PPP6R3: variants seen among roughly 807,000 people sequenced by gnomAD.
The protein encoded by PPP6R3 is serine/threonine-protein phosphatase 6 regulatory subunit 3.
A neutral mutation model predicts 110.7 loss-of-function variants in PPP6R3; 38 were observed. The ratio of observed to expected loss-of-function variants is 0.34; its 90% confidence interval spans 0.26 to 0.45. The LOEUF is 0.45. Among genes scored for constraint, PPP6R3 ranks in the 20% least tolerant of loss-of-function variants. The pLI, the probability that PPP6R3 is intolerant of heterozygous loss-of-function variation, is 1.00. For synonymous variants in PPP6R3, 369 were observed against 373.5 expected, an observed-to-expected ratio of 0.99 and a Z score of 0.14; for missense variants, 870 against 1,062.4, an observed-to-expected ratio of 0.82 and a Z score of 2.52.
rs1169121139 is a variant in PPP6R3, at chr11:68,465,871, T to A, written c.-158+5044T>A. Among the ~76,000 whole-genome samples, 176 of 152,240 alleles carry A rather than the reference T, an allele frequency of 1.2e-3. 6 individuals carry two copies. Among genetic ancestry groups the A allele is most frequent in the Admixed American group, 0.011 (174 of 15,276 alleles). On this transcript the variant is annotated intron_variant, in intron 1 of 23. Transcript: ENST00000393800. ...AAGTTTTGCAAAAGAATAAGATAGT[T>A]ACACTTTGTTACTCATTTATAAGAA...
intron 10 of PPP6R3, 125 bp from the exon 11 acceptor site, chr11:68,569,623 A>C: frequency 1.2e-6 from 1 of 831,290 alleles, no homozygotes; most frequent in Non-Finnish European, 1.8e-6. Context: ...GGTTCCTTTT[A>C]ATTGGTCCTT....
intron 16 of PPP6R3, among the ~76,000 whole-genome samples, chr11:68,589,972 C>T (rs879649807): frequency 1.6e-4 from 24 of 152,218 alleles, no homozygotes; most frequent in Admixed American, 1.0e-3. Flanking sequence ...GATCCACCAC[C>T]TCACACCAGA....
intron 1 of PPP6R3, among the ~76,000 whole-genome samples, chr11:68,474,635 A>G (rs538742268): frequency 1.1e-4 from 17 of 152,196 alleles, no homozygotes; most frequent in Non-Finnish European, 2.2e-4. Context: ...GTAAAAGGGA[A>G]TTATCTGTTC....
intron 1 of PPP6R3, among the ~76,000 whole-genome samples, chr11:68,486,787 A>G (rs533671531): frequency 6.6e-6 from 1 of 151,836 alleles, no homozygotes; most frequent in Non-Finnish European, 1.5e-5. Flanking sequence ...GGCCCTTAAG[A>G]TTATCTCTTT....
At chr11:68,514,421 A>C (rs1349746529) in intron 1 of PPP6R3, among the ~76,000 whole-genome samples, 1 of 151,740 alleles carries the variant, frequency 6.6e-6, no homozygotes, top group African/African-American at 2.4e-5. Flanking sequence ...TTATGAATGT[A>C]GTTTGTCTGC....
chr11:68,530,728 A>G (rs2099234102), intron 2 of PPP6R3, among the ~76,000 whole-genome samples: 1 of 152,194 alleles, frequency 6.6e-6, no homozygotes, highest in African/African-American at 2.4e-5. Context: ...AAGCCATCAT[A>G]ATCTTTGAAT....
At chr11:68,579,956 A>G (rs1314902906) in intron 14 of PPP6R3, among the ~76,000 whole-genome samples, 2 of 152,220 alleles carry the variant, frequency 1.3e-5, no homozygotes, top group Non-Finnish European at 2.9e-5. Context: ...GTCACAATGT[A>G]TCCTTGTCAT....
chr11:68,553,155 T>A (rs148177407), intron 6 of PPP6R3, among the ~76,000 whole-genome samples: 1 of 152,234 alleles, frequency 6.6e-6, no homozygotes, highest in Non-Finnish European at 1.5e-5. Flanking sequence ...CTTTGAGTTA[T>A]GCTCAGTTTC....
chr11:68,533,704 CAAAAAAA>C (rs58617776), intron 2 of PPP6R3, among the ~76,000 whole-genome samples: 191 of 56,182 alleles, frequency 3.4e-3, no homozygotes, highest in African/African-American at 3.5e-3. Flanking sequence ...GACCTTGTCT[CAAAAAAA>C]AAAAAAAAAA....
At chr11:68,549,884 C>CT (rs2099364032) in intron 5 of PPP6R3, among the ~76,000 whole-genome samples, 1 of 152,164 alleles carries the variant, frequency 6.6e-6, no homozygotes, top group Non-Finnish European at 1.5e-5. Flanking sequence ...TCGGAGATGA[C>CT]TACAGAAGTG....
chr11:68,571,645 G>A (rs1197457557), intron 12 of PPP6R3, among the ~76,000 whole-genome samples: 4 of 152,182 alleles, frequency 2.6e-5, no homozygotes, highest in Non-Finnish European at 5.9e-5. Context: ...TTTCTTACAG[G>A]TGTTGTCTGT....
intron 8 of PPP6R3, among the ~76,000 whole-genome samples, chr11:68,562,064 A>AG (rs397776558): frequency 2.6e-5 from 4 of 151,688 alleles, no homozygotes; most frequent in Non-Finnish European, 5.9e-5. Flanking sequence ...AAAAAAAAAA[A>AG]CGCATACTCC....
At chr11:68,603,585 A>C (rs772837502) in intron 22 of PPP6R3, 93 bp downstream of exon 22, 15 of 1,454,490 alleles carry the variant, frequency 1.0e-5, no homozygotes, top group African/African-American at 1.4e-5. Flanking sequence ...ATTTGATTCA[A>C]ATGAATGTTC....
intron 2 of PPP6R3, among the ~76,000 whole-genome samples, chr11:68,532,479 A>C (rs1489236199): frequency 2.6e-5 from 4 of 152,250 alleles, no homozygotes; most frequent in Non-Finnish European, 5.9e-5. Flanking sequence ...ATTTTGAAGA[A>C]AGATTAGAGG....
At chr11:68,486,790 ATC>A (rs1392782748) in intron 1 of PPP6R3, among the ~76,000 whole-genome samples, 3 of 151,938 alleles carry the variant, frequency 2.0e-5, no homozygotes, top group East Asian at 1.9e-4. Context: ...CCTTAAGATT[ATC>A]TCTTTTTGTG....
intron 1 of PPP6R3, among the ~76,000 whole-genome samples, chr11:68,468,830 G>T (rs888804912): frequency 6.6e-6 from 1 of 152,122 alleles, no homozygotes; most frequent in African/African-American, 2.4e-5. Flanking sequence ...TAAATTTGAG[G>T]TTTGCAGTTT....
chr11:68,483,869 C>G (rs1012675976), intron 1 of PPP6R3, among the ~76,000 whole-genome samples: 2 of 152,220 alleles, frequency 1.3e-5, no homozygotes, highest in African/African-American at 4.8e-5. Context: ...TACAGATCCT[C>G]TGTGCCTCAT....
At position 68,561,119 on chromosome 11, in the gene PPP6R3, C is replaced by T. The variant is rs370705857; in HGVS notation, c.845+2440C>T. Among the ~76,000 whole-genome samples, 22 of 152,186 alleles carry T rather than the reference C, an allele frequency of 1.4e-4. No homozygotes were observed. In the South Asian group the frequency reaches 3.9e-3, roughly 27 times the overall value. On this transcript the variant is annotated intron_variant, in intron 8 of 23. Coordinates refer to ENST00000393800, the MANE Select transcript of PPP6R3 (RefSeq NM_001164161.2). The stretch of plus-strand genomic sequence containing the variant: ...TTTCACCGTGGTCTCGATCTCCTGA[C>T]CTTGTGATCCACCCCCCTCGGCCTC...
chr11:68,475,008 A>G (rs141574021), intron 1 of PPP6R3, among the ~76,000 whole-genome samples: 2 of 152,070 alleles, frequency 1.3e-5, no homozygotes, highest in African/African-American at 2.4e-5. Flanking sequence ...GGGAAGGTCA[A>G]CATACAAACA....
Sources: allele counts gnomAD v4.1 joint callset (sites outside exome capture counted in the v4.1 genomes callset), GRCh38; gene constraint gnomAD v4.1.1; transcripts MANE v1.5; gene names NCBI Gene and HGNC (gene_info 2026-07-23, HGNC 2026-07-21).